The following CIMIP6 variants were observed in gnomAD, a reference collection of about 807,000 sequenced individuals.
CIMIP6 encodes the protein ciliary microtubule inner protein 6.
At chr2:54,357,212 C>T in the CIMIP6 span, among the ~76,000 whole-genome samples, 1 of 152,152 alleles carries the variant, frequency 6.6e-6, no homozygotes, top group East Asian at 1.9e-4. Flanking sequence ...CATTTTGTAA[C>T]ATGTAATGTA....
the CIMIP6 span, among the ~76,000 whole-genome samples, chr2:54,336,889 T>G: frequency 2.0e-5 from 3 of 152,170 alleles, no homozygotes; most frequent in Non-Finnish European, 2.9e-5. Flanking sequence ...TAGCTCTTAG[T>G]AGCAGCAGAA....
the CIMIP6 span, among the ~76,000 whole-genome samples, chr2:54,337,562 T>C: frequency 2.0e-5 from 3 of 152,204 alleles, no homozygotes; most frequent in South Asian, 6.2e-4. Flanking sequence ...GAACTCATCC[T>C]TACATTGGCA....
At chr2:54,368,448 T>C in the CIMIP6 span, among the ~76,000 whole-genome samples, 1 of 152,224 alleles carries the variant, frequency 6.6e-6, no homozygotes, top group Non-Finnish European at 1.5e-5. Flanking sequence ...AATATGAGAT[T>C]TCCATAACCC....
chr2:54,343,758 C>A, the CIMIP6 span: 1 of 1,610,530 alleles, frequency 6.2e-7, no homozygotes, highest in Non-Finnish European at 8.5e-7. Flanking sequence ...TGGAACCTGT[C>A]TTCCTACCAC....
chr2:54,334,852 T>A, the CIMIP6 span: 1 of 1,550,164 alleles, frequency 6.5e-7, no homozygotes, highest in South Asian at 1.2e-5. Flanking sequence ...ATAACATATG[T>A]AAGTGAAAAT....
the CIMIP6 span, among the ~76,000 whole-genome samples, chr2:54,353,786 G>A: frequency 5.9e-5 from 9 of 152,134 alleles, no homozygotes; most frequent in South Asian, 4.2e-4. Context: ...TAGTTCCCAC[G>A]TTACAAATAT....
At chr2:54,331,061 G>A in the CIMIP6 span, 2 of 1,541,040 alleles carry the variant, frequency 1.3e-6, no homozygotes, top group Non-Finnish European at 1.8e-6. Context: ...CTCCTTCAGG[G>A]GGAGGCCGGG....
chr2:54,372,409 G>C, the CIMIP6 span, among the ~76,000 whole-genome samples: 1 of 152,180 alleles, frequency 6.6e-6, no homozygotes, highest in African/African-American at 2.4e-5. Flanking sequence ...CATCGTGGTG[G>C]TTGTAAAACA....
the CIMIP6 span, among the ~76,000 whole-genome samples, chr2:54,381,233 T>C: frequency 6.6e-6 from 1 of 152,164 alleles, no homozygotes; most frequent in Non-Finnish European, 1.5e-5. Context: ...TCCAGACCAA[T>C]GTGATATGAT....
At chr2:54,353,438 C>G in the CIMIP6 span, among the ~76,000 whole-genome samples, 1 of 152,026 alleles carries the variant, frequency 6.6e-6, no homozygotes, top group Non-Finnish European at 1.5e-5. Context: ...GTGAGACACT[C>G]CAAACCCCTT....
chr2:54,357,156 T>C, the CIMIP6 span, among the ~76,000 whole-genome samples: 1 of 152,200 alleles, frequency 6.6e-6, no homozygotes, highest in Non-Finnish European at 1.5e-5. Context: ...ATCAAGAAAA[T>C]GTTAACAGTT....
the CIMIP6 span, among the ~76,000 whole-genome samples, chr2:54,371,110 G>A: frequency 1.3e-5 from 2 of 152,228 alleles, no homozygotes; most frequent in Non-Finnish European, 1.5e-5. Flanking sequence ...TGCAGGGCCC[G>A]ATGGGTTGAT....
the CIMIP6 span, among the ~76,000 whole-genome samples, chr2:54,333,928 T>C: frequency 1.3e-5 from 2 of 152,082 alleles, no homozygotes; most frequent in Non-Finnish European, 1.5e-5. Context: ...GTAGAAGAGA[T>C]GGACCTGGCA....
the CIMIP6 span, among the ~76,000 whole-genome samples, chr2:54,365,363 C>T: frequency 4.0e-5 from 6 of 151,890 alleles, no homozygotes; most frequent in East Asian, 5.8e-4. Flanking sequence ...CCTGCACACA[C>T]GAGACAATGT....
chr2:54,349,946 C>T, the CIMIP6 span, among the ~76,000 whole-genome samples: 3 of 151,360 alleles, frequency 2.0e-5, no homozygotes, highest in Non-Finnish European at 4.4e-5. Flanking sequence ...GTCTCCCGGG[C>T]TCAAGAGATT....
the CIMIP6 span, among the ~76,000 whole-genome samples, chr2:54,376,014 A>G: frequency 1.3e-5 from 2 of 152,260 alleles, no homozygotes; most frequent in East Asian, 3.9e-4. Flanking sequence ...TAAAATTTTT[A>G]CAGTGACAAA....
the CIMIP6 span, among the ~76,000 whole-genome samples, chr2:54,367,384 C>CA: frequency 1.9e-4 from 29 of 151,662 alleles, no homozygotes; most frequent in East Asian, 5.2e-3. Flanking sequence ...CCCCAACCTC[C>CA]AAAAAAAATT....
chr2:54,374,384 A>G, the CIMIP6 span, among the ~76,000 whole-genome samples: 1 of 152,234 alleles, frequency 6.6e-6, no homozygotes, highest in Non-Finnish European at 1.5e-5. Context: ...GATCTGATTG[A>G]GAGATGAGAT....
At chr2:54,337,392 A>G in the CIMIP6 span, among the ~76,000 whole-genome samples, 49 of 152,188 alleles carry the variant, frequency 3.2e-4, no homozygotes, top group Non-Finnish European at 5.1e-4. Context: ...TCTCGTACCA[A>G]TTATTTCAGA....
Sources: gnomAD v4.1 joint callset for allele counts (sites outside exome capture counted in the v4.1 genomes callset) on GRCh38, gnomAD v4.1.1 for gene constraint, MANE v1.5 for transcripts, NCBI Gene and HGNC (gene_info 2026-07-23, HGNC 2026-07-21) for gene names.